The following GMDS variants were observed in gnomAD, a reference collection of about 807,000 sequenced individuals.
GMDS encodes GDP-mannose 4,6 dehydratase.
GMDS carries 20 observed loss-of-function variants against 49.9 expected under a neutral mutation model. The observed-to-expected ratio is 0.40, with a 90% confidence interval of 0.28 to 0.58. The LOEUF is 0.58. GMDS is among the 20% of genes least tolerant of loss of function. The pLI is 0.42. For synonymous variants in GMDS, 177 were observed against 178.6 expected (o/e 0.99, Z 0.07); for missense variants, 362 against 481.4 (o/e 0.75, Z 2.32).
intron 4 of GMDS, among the ~76,000 whole-genome samples, chr6:2,115,204 C>T (rs906571880): frequency 2.6e-5 from 4 of 152,128 alleles, no homozygotes; most frequent in Non-Finnish European, 4.4e-5. Context: ...TGATGTTTAC[C>T]GTGATTCCTT....
At chr6:1,674,855 A>T (rs34455746) in intron 9 of GMDS, among the ~76,000 whole-genome samples, 50,569 of 151,280 alleles carry the variant, frequency 0.33, 8,767 homozygotes, top group Middle Eastern at 0.48. Flanking sequence ...TGGCCCTTCA[A>T]ATAGATCTTA....
At chr6:1,985,359 C>T (rs1765482453) in intron 4 of GMDS, among the ~76,000 whole-genome samples, 1 of 151,392 alleles carries the variant, frequency 6.6e-6, no homozygotes, top group African/African-American at 2.4e-5. Flanking sequence ...GGGTAGGGGT[C>T]CTATTCAATA....
At chr6:1,728,330 A>G (rs1766665267) in intron 8 of GMDS, among the ~76,000 whole-genome samples, 1 of 152,196 alleles carries the variant, frequency 6.6e-6, no homozygotes, top group Non-Finnish European at 1.5e-5. Context: ...GTATATTTGT[A>G]TTTCACAGGC....
intron 4 of GMDS, among the ~76,000 whole-genome samples, chr6:1,964,503 T>C (rs935929994): frequency 7.2e-5 from 11 of 152,214 alleles, no homozygotes; most frequent in Non-Finnish European, 1.3e-4. Context: ...CTAAATGTTA[T>C]ATTCGTGGTG....
chr6:2,051,286 G>C (rs1770381717), intron 4 of GMDS, among the ~76,000 whole-genome samples: 1 of 152,174 alleles, frequency 6.6e-6, no homozygotes, highest in Non-Finnish European at 1.5e-5. Flanking sequence ...AAGACAGTAA[G>C]TTTTTGTTGT....
At position 1,917,121 on chromosome 6, in the gene GMDS, G is replaced by C. The variant is rs547063172; in HGVS notation, c.771+12982C>G. On this transcript the variant is annotated intron_variant, in intron 7 of 10. Coordinates refer to ENST00000380815, the MANE Select transcript of GMDS (RefSeq NM_001500.4). ...CTGGAGTGGTTTCACAGGATGATTAGAGGTATTAGGCCAGCAGTAGAGATG... is the reference window on the plus strand; with the variant it reads ...CTGGAGTGGTTTCACAGGATGATTACAGGTATTAGGCCAGCAGTAGAGATG... Among the ~76,000 whole-genome samples the C allele has an allele frequency of 3.9e-5, 6 of 152,282 alleles. No individual in the cohort carries two copies. The South Asian group carries it at 8.3e-4, about 21-fold the overall frequency.
chr6:1,899,661 G>A (rs1368473696), intron 7 of GMDS, among the ~76,000 whole-genome samples: 1 of 152,228 alleles, frequency 6.6e-6, no homozygotes, highest in Non-Finnish European at 1.5e-5. Context: ...AATCTCCTAA[G>A]GCTTCAGTGG....
At chr6:1,764,053 G>A (rs1245190319) in intron 7 of GMDS, among the ~76,000 whole-genome samples, 1 of 151,960 alleles carries the variant, frequency 6.6e-6, no homozygotes, top group Admixed American at 6.5e-5. Flanking sequence ...ACATCTCCTC[G>A]TAGTGCTACT....
intron 7 of GMDS, among the ~76,000 whole-genome samples, chr6:1,850,323 C>G (rs966483664): frequency 2.6e-5 from 4 of 152,184 alleles, no homozygotes; most frequent in African/African-American, 9.7e-5. Context: ...ACCTAAGTGT[C>G]AAGATACATG....
chr6:1,952,822 A>G (rs1284174263), intron 6 of GMDS, among the ~76,000 whole-genome samples: 1 of 152,164 alleles, frequency 6.6e-6, no homozygotes, highest in East Asian at 1.9e-4. Context: ...CACTGAGAGA[A>G]GAAAGAGTGG....
At chr6:1,919,504 C>T (rs150003628) in intron 7 of GMDS, among the ~76,000 whole-genome samples, 1 of 152,298 alleles carries the variant, frequency 6.6e-6, no homozygotes, top group East Asian at 1.9e-4. Flanking sequence ...TAAACTGTAC[C>T]TGTAACTAAC....
At chr6:2,032,410 A>C (rs557849214) in intron 4 of GMDS, among the ~76,000 whole-genome samples, 8 of 152,226 alleles carry the variant, frequency 5.3e-5, no homozygotes, top group Non-Finnish European at 1.0e-4. Context: ...ACAGAATTTC[A>C]TGGATATAAT....
chr6:2,208,304 T>C lies in GMDS; in HGVS notation c.102+37017A>G, dbSNP rs146010902. Among the ~76,000 whole-genome samples, 894 of 152,346 alleles carry C rather than the reference T, an allele frequency of 5.9e-3. 3 individuals carry two copies. The highest frequency in any genetic ancestry group is 0.017 in the Middle Eastern group (5 of 294). Reference sequence around the variant, plus strand: ...TATCCATCATTTTCAGGAGACTTGTTCTGTTACCAGCTGCATCACAGCTGA... The same window carrying C: ...TATCCATCATTTTCAGGAGACTTGTCCTGTTACCAGCTGCATCACAGCTGA... On this transcript the variant is annotated intron_variant, in intron 1 of 10. Transcript: ENST00000380815.
intron 7 of GMDS, among the ~76,000 whole-genome samples, chr6:1,783,577 T>C (rs924997258): frequency 6.6e-6 from 1 of 152,194 alleles, no homozygotes; most frequent in African/African-American, 2.4e-5. Flanking sequence ...ATAAAATTAG[T>C]GAATCAAAAT....
At chr6:1,915,842 C>T (rs777030477) in intron 7 of GMDS, among the ~76,000 whole-genome samples, 11 of 152,142 alleles carry the variant, frequency 7.2e-5, no homozygotes, top group Admixed American at 2.0e-4. Flanking sequence ...ATTTTCAGTA[C>T]GCAATAAGGT....
intron 1 of GMDS, among the ~76,000 whole-genome samples, chr6:2,153,402 C>G (rs1776943258): frequency 6.6e-6 from 1 of 151,902 alleles, no homozygotes; most frequent in Admixed American, 6.6e-5. Flanking sequence ...AATTAAAAAG[C>G]AAATGACAAA....
At chr6:1,916,596 G>A (rs916129775) in intron 7 of GMDS, among the ~76,000 whole-genome samples, 7 of 152,206 alleles carry the variant, frequency 4.6e-5, no homozygotes, top group African/African-American at 4.8e-5. Context: ...TCGTGGCACA[G>A]TGACTTAGGA....
intron 9 of GMDS, among the ~76,000 whole-genome samples, chr6:1,682,465 G>T (rs1764821512): frequency 6.6e-6 from 1 of 152,218 alleles, no homozygotes; most frequent in Non-Finnish European, 1.5e-5. Flanking sequence ...TGGTGCCATT[G>T]CCACTGGGAG....
chr6:1,994,139 G>C (rs556100272), intron 4 of GMDS, among the ~76,000 whole-genome samples: 1 of 152,164 alleles, frequency 6.6e-6, no homozygotes, highest in Non-Finnish European at 1.5e-5. Context: ...CTTATTCCTT[G>C]TATTTGTACT....
Sources: allele counts gnomAD v4.1 joint callset (sites outside exome capture counted in the v4.1 genomes callset), GRCh38; gene constraint gnomAD v4.1.1; transcripts MANE v1.5; gene names NCBI Gene and HGNC (gene_info 2026-07-23, HGNC 2026-07-21).